The following MTERF4 variants were observed in gnomAD, a reference collection of about 807,000 sequenced individuals.
MTERF4 encodes mitochondrial transcription termination factor 4, also known as transcription termination factor 4, mitochondrial.
A neutral mutation model predicts 22.5 loss-of-function variants in MTERF4; 17 were observed. The ratio of observed to expected loss-of-function variants is 0.75; its 90% CI spans 0.52 to 1.13. The LOEUF is 1.13. Ranked by LOEUF, MTERF4 falls within the 50% of genes most tolerant of loss-of-function variation. The pLI is 0.00. For missense variants in MTERF4, 420 were observed against 466.8 expected (o/e 0.90, Z 0.92); for synonymous variants, 165 against 175.3 (o/e 0.94, Z 0.47).
chr2:241,064,082 G>A, the MTERF4 span: 2 of 1,570,046 alleles, frequency 1.3e-6, no homozygotes, highest in South Asian at 2.3e-5. This position sits in a 1 kb window ranked among gnomAD's most constrained non-coding sequence, Gnocchi z 7.0. Flanking sequence ...GGGCCTACCT[G>A]TGCGTCTGCC....
At chr2:241,062,905 G>C in the MTERF4 span, 2 of 1,585,492 alleles carry the variant, frequency 1.3e-6, no homozygotes, top group South Asian at 2.3e-5. Context: ...TGTGAGCTGG[G>C]TAAGAGGGGC....
At chr2:241,088,425 C>A, downstream of MTERF4, 1 of 1,599,240 alleles carries the variant, frequency 6.3e-7, no homozygotes, top group African/African-American at 1.3e-5. Context: ...TGCTCCCGCC[C>A]CACTACCACA....
At chr2:241,047,888 A>G in the MTERF4 span, among the ~76,000 whole-genome samples, 1 of 150,080 alleles carries the variant, frequency 6.7e-6, no homozygotes, top group Non-Finnish European at 1.5e-5. Flanking sequence ...TGTTCTGTCC[A>G]ATCCTGGGTG....
At chr2:241,092,181 G>A (rs1457822946), downstream of MTERF4, 2 of 152,244 alleles carry the variant, frequency 1.3e-5, no homozygotes, top group African/African-American at 4.8e-5. This position sits in a 1 kb window ranked among gnomAD's most constrained non-coding sequence, Gnocchi z 4.6. Flanking sequence ...CCCCTGCTCT[G>A]GTCCTCCAGC....
chr2:241,066,840 G>T, the MTERF4 span, among the ~76,000 whole-genome samples: 2 of 152,206 alleles, frequency 1.3e-5, no homozygotes, highest in African/African-American at 4.8e-5. Flanking sequence ...ACAGGAGAAG[G>T]CATTCAAGGC....
In MTERF4 at chr2:241,095,705, T is replaced by G; in HGVS notation, c.*293A>C. On this transcript the variant is annotated 3_prime_UTR_variant, in exon 4 of 4. Coordinates refer to ENST00000391980, the MANE Select transcript of MTERF4 (RefSeq NM_182501.4). ...TCAAAAGAGAAAAAAATAAAACCAA[T>G]TGTTGATATATTGAGTCCCCTTGAT... 1.1e-5 allele frequency: 4 copies of G among 364,468 alleles called. No individual in the cohort carries two copies. Among genetic ancestry groups the G allele is most frequent in the Non-Finnish European group, 1.5e-5 (3 of 203,088 alleles). The allele number at this position is 364,468 out of a possible 1,614,324, so 22.6% of individuals were successfully genotyped here. A position where few individuals can be genotyped will look rare whatever the true frequency, so the allele number is the denominator to read the frequency against.
At chr2:241,079,223 T>C (rs1455731555) in intron 4 of MTERF4, among the ~76,000 whole-genome samples, 2 of 150,558 alleles carry the variant, frequency 1.3e-5, no homozygotes, top group African/African-American at 4.9e-5. Flanking sequence ...CCATCCTGGC[T>C]AACATGGTGA....
At chr2:241,065,416 C>T in the MTERF4 span, 1 of 1,613,164 alleles carries the variant, frequency 6.2e-7, no homozygotes, top group Non-Finnish European at 8.5e-7. Flanking sequence ...TACGCGGTCA[C>T]CTACGTCTCC....
downstream of MTERF4, chr2:241,088,439 C>G (rs747386671): frequency 1.3e-6 from 2 of 1,577,564 alleles, no homozygotes; most frequent in East Asian, 4.5e-5. Context: ...TACCACAGAG[C>G]TGCTGGGAAG....
At chr2:241,051,435 G>A in the MTERF4 span, 2 of 300,648 alleles carry the variant, frequency 6.7e-6, no homozygotes, top group Non-Finnish European at 6.1e-6. The surrounding 1 kb of genome is among the most constrained non-coding windows in gnomAD (Gnocchi z 4.7). Flanking sequence ...AGGGAGTGCT[G>A]CGCCCGCTGC....
At chr2:241,072,445 G>A (rs919836766) in exon 5 of MTERF4, 2 of 356,900 alleles carry the variant, frequency 5.6e-6, no homozygotes, top group South Asian at 2.1e-5. Flanking sequence ...AGTGAGGCAG[G>A]CGCGACCCTG....
At chr2:241,048,825 G>T in the MTERF4 span, 2 of 1,429,084 alleles carry the variant, frequency 1.4e-6, no homozygotes, top group Non-Finnish European at 9.7e-7. Flanking sequence ...ATCGGGAAAT[G>T]AATGGTGGCT....
At chr2:241,091,797 T>A (rs1211101302), downstream of MTERF4, 2 of 152,470 alleles carry the variant, frequency 1.3e-5, no homozygotes, top group Admixed American at 1.3e-4. This position sits in a 1 kb window ranked among gnomAD's most constrained non-coding sequence, Gnocchi z 4.1. Flanking sequence ...AGAGGACAGA[T>A]GGCCAGGCCT....
the MTERF4 span, among the ~76,000 whole-genome samples, chr2:241,064,311 C>A: frequency 2.0e-5 from 3 of 152,032 alleles, no homozygotes; most frequent in Admixed American, 6.5e-5. The surrounding 1 kb of genome is among the most constrained non-coding windows in gnomAD (Gnocchi z 7.0). Context: ...CTTGGTCCCA[C>A]AATGGTGCCT....
downstream of MTERF4, among the ~76,000 whole-genome samples, chr2:241,085,868 T>C (rs986890271): frequency 7.1e-6 from 1 of 140,076 alleles, no homozygotes; most frequent in Non-Finnish European, 1.5e-5. Context: ...TTCTTTTTTT[T>C]TTTTTTTTTT....
downstream of MTERF4, chr2:241,070,180 G>T: frequency 1.3e-6 from 2 of 1,583,028 alleles, no homozygotes; most frequent in Non-Finnish European, 1.7e-6. Flanking sequence ...CAGCGAGCCC[G>T]CCCACCTCTA....
At chr2:241,085,067 G>T (rs750026776), downstream of MTERF4, among the ~76,000 whole-genome samples, 1 of 151,522 alleles carries the variant, frequency 6.6e-6, no homozygotes, top group Non-Finnish European at 1.5e-5. Context: ...GACTGTTTTT[G>T]GACAATTTAA....
chr2:241,078,357 T>G (rs115668529), intron 4 of MTERF4, among the ~76,000 whole-genome samples: 1 of 138,726 alleles, frequency 7.2e-6, no homozygotes, highest in Non-Finnish European at 1.5e-5. Context: ...CACTGCAGCC[T>G]GGGAGACAGA....
downstream of MTERF4, chr2:241,071,883 G>A: frequency 6.3e-7 from 1 of 1,595,428 alleles, no homozygotes; most frequent in Non-Finnish European, 8.5e-7. Flanking sequence ...GATCACGTGA[G>A]TGCCAGGGCC....
Sources: gnomAD v4.1 joint callset for allele counts (sites outside exome capture counted in the v4.1 genomes callset) on GRCh38, gnomAD v4.1.1 for gene constraint, Gnocchi (gnomAD v3.1) non-coding constraint, MANE v1.5 for transcripts, NCBI Gene and HGNC (gene_info 2026-07-23, HGNC 2026-07-21) for gene names.